The following MCCC1 variants were observed in gnomAD, a reference collection of about 807,000 sequenced individuals.
The protein encoded by MCCC1 is methylcrotonyl-CoA carboxylase subunit 1.
In MCCC1, 64 loss-of-function variants were observed where a neutral mutation model predicts 83.8. That is an observed-to-expected ratio of 0.76 (90% CI 0.62 to 0.94). MCCC1 has a LOEUF of 0.94. Among genes scored for constraint, MCCC1 ranks in the 40% least tolerant of loss-of-function variants. The pLI, the probability that MCCC1 is intolerant of heterozygous loss-of-function variation, is 0.00. For synonymous variants in MCCC1, 322 were observed against 315.4 expected, an observed-to-expected ratio of 1.02 and a Z score of -0.22; for missense variants, 807 against 904.7, an observed-to-expected ratio of 0.89 and a Z score of 1.39.
chr3:183,104,166 G>T (rs1245968529), upstream of MCCC1, among the ~76,000 whole-genome samples: 1 of 152,214 alleles, frequency 6.6e-6, no homozygotes, highest in Non-Finnish European at 1.5e-5. Flanking sequence ...GCCAGCTCCG[G>T]CCTTGGCCAG....
chr3:183,066,997 G>A (rs1716302563), intron 7 of MCCC1, among the ~76,000 whole-genome samples: 1 of 152,156 alleles, frequency 6.6e-6, no homozygotes, highest in Admixed American at 6.5e-5. Flanking sequence ...TTAACTTACG[G>A]CAATATAGTT....
intron 7 of MCCC1, among the ~76,000 whole-genome samples, chr3:183,065,016 T>G (rs1410670088): frequency 6.6e-6 from 1 of 151,096 alleles, no homozygotes; most frequent in Non-Finnish European, 1.5e-5. Context: ...CTCTGTAAAG[T>G]TTTGATTAAT....
intron 14 of MCCC1, among the ~76,000 whole-genome samples, chr3:183,029,883 C>T (rs1309211946): frequency 1.3e-5 from 2 of 152,092 alleles, no homozygotes; most frequent in Non-Finnish European, 2.9e-5. Flanking sequence ...TCTCAATAGT[C>T]AGAGCTGATG....
upstream of MCCC1, among the ~76,000 whole-genome samples, chr3:183,100,256 C>T (rs1560290877): frequency 6.6e-6 from 1 of 152,184 alleles, no homozygotes; most frequent in African/African-American, 2.4e-5. Flanking sequence ...GCTAATTTTG[C>T]TTAACTTCAA....
chr3:183,084,883 CCT>C (rs1216084284), intron 4 of MCCC1, among the ~76,000 whole-genome samples: 3 of 152,028 alleles, frequency 2.0e-5, no homozygotes, highest in East Asian at 1.9e-4. Flanking sequence ...TAAGTGAACC[CCT>C]GTCTCAAAAA....
rs146126381 is a variant in MCCC1 at position 183,097,427 on chromosome 3, A to G, written c.89+1925T>C. ...TTGTTTTTGTTTTATTTGAGATGGG[A>G]TGTCACCCAGGATGGAGTACAGTGG... On this transcript the variant is annotated intron_variant, in intron 1 of 18. Transcript: ENST00000265594. 1.4e-3 allele frequency among the ~76,000 whole-genome samples: 208 copies of G among 152,270 alleles called. 1 individual carries two copies. Among genetic ancestry groups the G allele is most frequent in the Middle Eastern group, 3.4e-3 (1 of 294 alleles).
At chr3:183,070,477 G>A (rs1716579143) in intron 7 of MCCC1, among the ~76,000 whole-genome samples, 1 of 152,228 alleles carries the variant, frequency 6.6e-6, no homozygotes, top group African/African-American at 2.4e-5. Context: ...GCTCACGCCT[G>A]TAATCCCAGC....
intron 3 of MCCC1, among the ~76,000 whole-genome samples, chr3:183,088,504 G>A (rs1053504204): frequency 6.6e-6 from 1 of 152,152 alleles, no homozygotes; most frequent in Admixed American, 6.5e-5. Flanking sequence ...ATGGTGCCCA[G>A]CCTGTTTTTT....
chr3:183,052,809 C>CAA lies in MCCC1; in HGVS notation c.874-571_874-570dup, dbSNP rs71185624. On this transcript the variant is annotated intron_variant, in intron 8 of 18. Transcript: ENST00000265594. ...TGGGTGACAGAGTGAGACTTTGTCT[C>CAA]AAAAAAAAAAAAAAAAAAAAAAAAA... 2.0e-3 allele frequency among the ~76,000 whole-genome samples: 131 copies of CAA among 66,592 alleles called. 2 individuals carry two copies. Among genetic ancestry groups the CAA allele is most frequent in the African/African-American group, 2.4e-3 (36 of 14,832 alleles). The allele number at this position is 66,592 out of a possible 152,430, so 43.7% of individuals were successfully genotyped here. A position where few individuals can be genotyped will look rare whatever the true frequency, so the allele number is the denominator to read the frequency against.
At chr3:183,114,100 T>G (rs1054473001) in intron 1 of MCCC1, among the ~76,000 whole-genome samples, 3 of 152,072 alleles carry the variant, frequency 2.0e-5, no homozygotes, top group African/African-American at 7.2e-5. Context: ...AGAATGCAAT[T>G]AACGGATAAG....
At chr3:183,103,374 G>A (rs1184661312), upstream of MCCC1, among the ~76,000 whole-genome samples, 2 of 152,078 alleles carry the variant, frequency 1.3e-5, no homozygotes, top group African/African-American at 4.8e-5. Context: ...AGAGCCCAGT[G>A]GTCTGTTTTG....
At chr3:183,090,793 T>G in intron 3 of MCCC1, 2 of 292,996 alleles carry the variant, frequency 6.8e-6, no homozygotes, top group Non-Finnish European at 1.4e-5. Flanking sequence ...TTCTCCATGT[T>G]GGTCAGGCTG....
chr3:183,061,213 T>C (rs1211828277), intron 7 of MCCC1, among the ~76,000 whole-genome samples: 1 of 152,176 alleles, frequency 6.6e-6, no homozygotes, highest in Non-Finnish European at 1.5e-5. Flanking sequence ...TCAAGTCTTT[T>C]AGTGGTCCTG....
chr3:183,109,077 C>T (rs576943024), intron 1 of MCCC1, among the ~76,000 whole-genome samples: 68 of 152,230 alleles, frequency 4.5e-4, no homozygotes, highest in African/African-American at 1.6e-3. Context: ...CTACAACCTC[C>T]GCCTCCTGGA....
At chr3:183,039,374 ACAAGCTGGCTT>A (rs1404943197) in intron 11 of MCCC1, among the ~76,000 whole-genome samples, 1 of 152,182 alleles carries the variant, frequency 6.6e-6, no homozygotes, top group Non-Finnish European at 1.5e-5. Context: ...TCAATGGCAC[ACAAGCTGGCTT>A]TCCCTGTCCT....
chr3:183,112,661 A>G (rs1345681559), intron 1 of MCCC1, among the ~76,000 whole-genome samples: 1 of 152,208 alleles, frequency 6.6e-6, no homozygotes, highest in Non-Finnish European at 1.5e-5. Context: ...GATTTTTCTG[A>G]GGCAAATTTC....
chr3:183,102,050 G>C (rs1184779277), upstream of MCCC1, among the ~76,000 whole-genome samples: 1 of 152,012 alleles, frequency 6.6e-6, no homozygotes, highest in Non-Finnish European at 1.5e-5. Flanking sequence ...CACCGCGAGG[G>C]TGTGCAGCTT....
chr3:183,100,982 G>A (rs370709460), upstream of MCCC1, among the ~76,000 whole-genome samples: 285 of 152,364 alleles, frequency 1.9e-3, no homozygotes, highest in African/African-American at 6.2e-3. Flanking sequence ...GGTGGGCCCC[G>A]CACTCGGAAC....
At chr3:183,045,276 C>T in intron 10 of MCCC1, 137 bp downstream of exon 10, 3 of 959,988 alleles carry the variant, frequency 3.1e-6, no homozygotes, top group Non-Finnish European at 4.7e-6. Context: ...GACAGGGTTT[C>T]ACCACATTGG....
Sources: gnomAD v4.1 joint callset for allele counts (sites outside exome capture counted in the v4.1 genomes callset) on GRCh38, gnomAD v4.1.1 for gene constraint, MANE v1.5 for transcripts, NCBI Gene and HGNC (gene_info 2026-07-23, HGNC 2026-07-21) for gene names.